CDKL3: variants seen among roughly 807,000 people sequenced by gnomAD.
CDKL3 encodes the protein cyclin-dependent kinase-like 3.
Under a neutral mutation model 69.3 loss-of-function variants are expected in CDKL3, and 65 were observed. The ratio of observed to expected loss-of-function variants is 0.94; its 90% CI spans 0.77 to 1.15. The LOEUF (loss-of-function observed/expected upper bound fraction) is 1.15, where lower values mean the gene tolerates loss of function less well. Among genes scored for constraint, CDKL3 ranks in the 50% most tolerant of loss-of-function variants. CDKL3 has a pLI of 0.00. For synonymous variants in CDKL3, 202 were observed against 221.6 expected (o/e 0.91, Z 0.79); for missense variants, 652 against 689.2 (o/e 0.95, Z 0.61).
At chr5:134,371,526 C>T (rs1460347177), upstream of CDKL3, 12 of 1,545,060 alleles carry the variant, frequency 7.8e-6, no homozygotes, top group East Asian at 2.4e-5. Context: ...ATTCGGCCGC[C>T]GCGCCGGGGG....
At chr5:134,368,039 C>T (rs946476512), upstream of CDKL3, among the ~76,000 whole-genome samples, 6 of 152,156 alleles carry the variant, frequency 3.9e-5, no homozygotes, top group Non-Finnish European at 7.3e-5. Context: ...GCTATGCTTC[C>T]GCTAAATAAG....
chr5:134,367,338 C>CTTTTGAAT (rs1467799320), upstream of CDKL3: 7 of 777,266 alleles, frequency 9.0e-6, no homozygotes, highest in East Asian at 9.3e-4. Context: ...CACAAGGTTG[C>CTTTTGAAT]TTTTGAATGT....
At chr5:134,295,049 C>T (rs1176021046), downstream of CDKL3, among the ~76,000 whole-genome samples, 6 of 114,650 alleles carry the variant, frequency 5.2e-5, no homozygotes, top group Non-Finnish European at 9.9e-5. Context: ...GGGTCTCAGT[C>T]TGTTGCCTAG....
At chr5:134,341,505 A>C (rs1750481828) in intron 4 of CDKL3, among the ~76,000 whole-genome samples, 1 of 152,260 alleles carries the variant, frequency 6.6e-6, no homozygotes, top group Non-Finnish European at 1.5e-5. Context: ...ATATGAGTTA[A>C]GAAGAAATTA....
At chr5:134,288,944 C>CT (rs1314254936) in intron 8 of CDKL3, among the ~76,000 whole-genome samples, 306 of 144,942 alleles carry the variant, frequency 2.1e-3, no homozygotes, top group African/African-American at 2.5e-3. Context: ...GTTCAATAAA[C>CT]TTTTTTTTTT....
intron 4 of CDKL3, among the ~76,000 whole-genome samples, chr5:134,344,030 C>A (rs1425868159): frequency 2.0e-5 from 3 of 152,162 alleles, no homozygotes; most frequent in Admixed American, 1.3e-4. Flanking sequence ...TCAAAAAGAG[C>A]CCAACACCAT....
rs563213675 is a variant in CDKL3 at position 134,367,164 on chromosome 5, T to G, written c.-209A>C. 1 of 985,774 alleles carries G rather than the reference T, an allele frequency of 1.0e-6. No homozygotes were observed. The highest frequency in any genetic ancestry group is 1.2e-6 in the Non-Finnish European group (1 of 830,248). 61.1% of individuals were successfully genotyped at this position (985,774 alleles called of 1,614,324 possible). A position where few individuals can be genotyped will look rare whatever the true frequency, so the allele number is the denominator to read the frequency against. On this transcript the variant is annotated 5_prime_UTR_variant, in exon 1 of 13. Transcript: ENST00000265334. ...ACCATGGAAACGCCGGCGGAGTTGCTGCGTTCTAGACTCGTGCGCAAGACC... is the reference window on the plus strand; with the variant it reads ...ACCATGGAAACGCCGGCGGAGTTGCGGCGTTCTAGACTCGTGCGCAAGACC...
intron 12 of CDKL3, chr5:134,299,795 G>C (rs1765879266): frequency 1.6e-6 from 2 of 1,269,756 alleles, no homozygotes; most frequent in Non-Finnish European, 2.2e-6. Flanking sequence ...GACATGGTGA[G>C]TCTTTGGCTA....
At chr5:134,335,320 A>G (rs1776819675) in intron 4 of CDKL3, among the ~76,000 whole-genome samples, 1 of 152,114 alleles carries the variant, frequency 6.6e-6, no homozygotes, top group Non-Finnish European at 1.5e-5. Flanking sequence ...TAGCTCATTT[A>G]CATTTAAGGT....
At chr5:134,299,075 T>C (rs1477916964) in intron 12 of CDKL3, among the ~76,000 whole-genome samples, 1 of 152,194 alleles carries the variant, frequency 6.6e-6, no homozygotes, top group Admixed American at 6.5e-5. Context: ...GGTTTCACCA[T>C]GCTGGCCAGA....
At chr5:134,292,748 A>G (rs941007979) in intron 8 of CDKL3, among the ~76,000 whole-genome samples, 3 of 152,174 alleles carry the variant, frequency 2.0e-5, no homozygotes, top group Admixed American at 2.0e-4. Flanking sequence ...AATAACAGGA[A>G]TGATAAAGGG....
At chr5:134,291,130 T>C (rs1765108871) in intron 8 of CDKL3, among the ~76,000 whole-genome samples, 1 of 152,180 alleles carries the variant, frequency 6.6e-6, no homozygotes, top group African/African-American at 2.4e-5. Flanking sequence ...TACCCTTAAC[T>C]AACATGCAGA....
intron 2 of CDKL3, among the ~76,000 whole-genome samples, chr5:134,362,318 G>C (rs73289873): frequency 3.9e-5 from 6 of 152,032 alleles, no homozygotes; most frequent in Admixed American, 6.6e-5. Context: ...TCGGGAGTTC[G>C]AGATCAGCCT....
intron 4 of CDKL3, among the ~76,000 whole-genome samples, chr5:134,327,672 C>T (rs548167263): frequency 6.6e-6 from 1 of 152,110 alleles, no homozygotes; most frequent in South Asian, 2.1e-4. Flanking sequence ...TTTCCTGGGG[C>T]CAGGACAAAT....
rs763866047 is a variant in CDKL3 at position 134,350,424 on chromosome 5, T to G, written c.364A>C (p.Ile122Leu). 6.5e-7 allele frequency: 1 copy of G among 1,534,890 alleles called. No individual in the cohort carries two copies. Among genetic ancestry groups the G allele is most frequent in the East Asian group, 2.4e-5 (1 of 41,710 alleles). The change falls in exon 4 of 13, where the codon ATT becomes CTT. Residue 122 changes from isoleucine (I) to leucine (L), a missense_variant. Transcript: ENST00000265334. ...AIDYLHSNNIIHRDIKPENIL... is the reference protein window; with the variant it reads ...AIDYLHSNNILHRDIKPENIL... ...TTCTCAGGTTTTATATCTCGATGAA[T>G]GATCTAAAAAACAAACAGAATACAA...
At chr5:134,367,707 C>A (rs1757793847), upstream of CDKL3, among the ~76,000 whole-genome samples, 1 of 152,340 alleles carries the variant, frequency 6.6e-6, no homozygotes. Flanking sequence ...TTTTCTTGAA[C>A]ACTTGCCATA....
intron 4 of CDKL3, among the ~76,000 whole-genome samples, chr5:134,323,457 A>G (rs1773322887): frequency 6.6e-6 from 1 of 152,218 alleles, no homozygotes; most frequent in Admixed American, 6.5e-5. Flanking sequence ...GACTGACACT[A>G]CTTGACTTCA....
intron 2 of CDKL3, among the ~76,000 whole-genome samples, chr5:134,365,588 G>A (rs979112428): frequency 1.3e-5 from 2 of 152,060 alleles, no homozygotes; most frequent in Non-Finnish European, 2.9e-5. Flanking sequence ...GCACAATAGT[G>A]GTAGATTAAA....
At chr5:134,300,408 C>T (rs904657470) in intron 12 of CDKL3, among the ~76,000 whole-genome samples, 2 of 152,052 alleles carry the variant, frequency 1.3e-5, no homozygotes, top group African/African-American at 4.8e-5. Flanking sequence ...TTGTATAATT[C>T]GAAAACCAAG....
Sources: allele counts gnomAD v4.1 joint callset (sites outside exome capture counted in the v4.1 genomes callset), GRCh38; gene constraint gnomAD v4.1.1; transcripts MANE v1.5; gene names NCBI Gene and HGNC (gene_info 2026-07-23, HGNC 2026-07-21).